The following CCDC39 variants were observed in gnomAD, a reference collection of about 807,000 sequenced individuals.
CCDC39 encodes the protein coiled-coil domain 39 molecular ruler complex subunit.
CCDC39 carries 113 observed loss-of-function variants against 121.0 expected under a neutral mutation model. The observed-to-expected ratio is 0.93, with a 90% CI of 0.80 to 1.09. The LOEUF is 1.09. CCDC39 is among the 50% of genes least tolerant of loss of function. The probability of loss-of-function intolerance (pLI) is 0.00; values close to 1 mark genes in which losing one functional copy is unlikely to be tolerated. For synonymous variants in CCDC39, 349 were observed against 352.2 expected, an observed-to-expected ratio of 0.99 and a Z score of 0.10; for missense variants, 1,063 against 1,074.7, an observed-to-expected ratio of 0.99 and a Z score of 0.15.
chr3:180,677,209 T>TAC (rs1560097273), intron 1 of CCDC39, among the ~76,000 whole-genome samples: 1 of 105,684 alleles, frequency 9.5e-6, no homozygotes, highest in Non-Finnish European at 2.0e-5. Context: ...TATATATATA[T>TAC]ATATATAAAA....
At chr3:180,641,083 A>T (rs936414499) in intron 13 of CCDC39, among the ~76,000 whole-genome samples, 1 of 152,084 alleles carries the variant, frequency 6.6e-6, no homozygotes, top group African/African-American at 2.4e-5. Flanking sequence ...TATGTAACAG[A>T]CAAGTTGGGT....
intron 19 of CCDC39, 89 bp downstream of exon 19, chr3:180,616,192 C>A (rs1365628734): frequency 3.7e-6 from 4 of 1,093,748 alleles, no homozygotes. Flanking sequence ...ATGGGCCTGC[C>A]TAACAGCTGC....
intron 8 of CCDC39, among the ~76,000 whole-genome samples, chr3:180,651,782 A>T (rs936534265): frequency 2.0e-5 from 3 of 152,168 alleles, no homozygotes; most frequent in African/African-American, 4.8e-5. Flanking sequence ...TCACGCCTGT[A>T]ATCCCAGCAC....
At chr3:180,616,219 C>A (rs1210431580) in intron 19 of CCDC39, 62 bp downstream of exon 19, 8 of 1,418,080 alleles carry the variant, frequency 5.6e-6, no homozygotes, top group Non-Finnish European at 5.0e-6. Flanking sequence ...GTAGAAGTGG[C>A]TGGAATCACT....
In CCDC39 at chr3:180,659,758, CAG is replaced by C. The variant is rs780175755; in HGVS notation, c.526_527del (p.Leu176AlafsTer10). On this transcript the variant is annotated frameshift_variant, in exon 5 of 20. Coordinates refer to ENST00000476379, the MANE Select transcript of CCDC39 (RefSeq NM_181426.2). LOFTEE classifies it high-confidence loss of function. ...QDDNKIRALT[L>X]QLERLTLECN... ...ATTCCAAAGTTAGTCTTTCTAATTGCAGAGTCAGTGCCTATGATGTAATTATA... is the reference window on the plus strand; with the variant it reads ...ATTCCAAAGTTAGTCTTTCTAATTGCAGTCAGTGCCTATGATGTAATTATA... The C allele has an allele frequency of 1.3e-5, 21 of 1,607,924 alleles. No individual in the cohort carries two copies. Among genetic ancestry groups the C allele is most frequent in the Non-Finnish European group, 1.7e-5 (20 of 1,175,960 alleles).
intron 14 of CCDC39, among the ~76,000 whole-genome samples, chr3:180,630,109 G>A (rs528802633): frequency 6.6e-6 from 1 of 152,072 alleles, no homozygotes. Context: ...GTCACCTACC[G>A]AAGCAGTGGT....
At chr3:180,678,159 G>A (rs1393942794) in intron 1 of CCDC39, among the ~76,000 whole-genome samples, 6 of 152,092 alleles carry the variant, frequency 3.9e-5, no homozygotes, top group African/African-American at 1.2e-4. Flanking sequence ...GCAGGATTAG[G>A]GTTGGTAAGT....
intron 1 of CCDC39, among the ~76,000 whole-genome samples, chr3:180,677,152 AATAATAATAATAATTTTATATAT>A (rs1218872827): frequency 4.8e-4 from 55 of 115,006 alleles, no homozygotes; most frequent in African/African-American, 1.8e-3. Flanking sequence ...TTATAATAAT[AATAATAATAATAATTTTATATAT>A]ATATATATAT....
intron 14 of CCDC39, among the ~76,000 whole-genome samples, chr3:180,630,536 G>T (rs903332630): frequency 6.6e-6 from 1 of 152,102 alleles, no homozygotes; most frequent in Non-Finnish European, 1.5e-5. Context: ...ACTGGAAGAT[G>T]ATCTCACCCC....
At chr3:180,642,802 G>A (rs986756914) in intron 12 of CCDC39, among the ~76,000 whole-genome samples, 1 of 151,802 alleles carries the variant, frequency 6.6e-6, no homozygotes, top group Non-Finnish European at 1.5e-5. Flanking sequence ...GTAAACATTT[G>A]TCTGATTTTT....
At chr3:180,615,261 T>A (rs1230397217) in intron 19 of CCDC39, among the ~76,000 whole-genome samples, 184 bp from the exon 20 acceptor site, 1 of 152,142 alleles carries the variant, frequency 6.6e-6, no homozygotes, top group Non-Finnish European at 1.5e-5. Flanking sequence ...AAAGGAAAGA[T>A]GAACATAGAT....
chr3:180,614,999 T>G lies in CCDC39; in HGVS notation c.2748A>C (p.Ser916=), dbSNP rs1282796325. The G allele has an allele frequency of 6.4e-7, 1 of 1,563,262 alleles. No individual in the cohort carries two copies. The highest frequency in any genetic ancestry group is 8.7e-7 in the Non-Finnish European group (1 of 1,152,060). Residue 916 remains serine, a synonymous_variant, in exon 20 of 20, where the codon TCA becomes TCC. Transcript: ENST00000476379. The part of the protein sequence containing the change: ...VLELKFPASS[S]LVGSPSRPSS... ...ATGGCCTAGAAGGGCTGCCTACTAG[T>G]GAAGAGGAGGCCGGGAATTTAAGCT...
chr3:180,662,267 A>G (rs1401593816), intron 2 of CCDC39, among the ~76,000 whole-genome samples: 1 of 152,156 alleles, frequency 6.6e-6, no homozygotes, highest in Non-Finnish European at 1.5e-5. Context: ...ACGCTGGTCT[A>G]GGAAAACTAA....
intron 12 of CCDC39, among the ~76,000 whole-genome samples, chr3:180,642,708 T>C (rs1336585229): frequency 1.3e-5 from 2 of 152,132 alleles, no homozygotes; most frequent in African/African-American, 4.8e-5. Flanking sequence ...AGAGATTAGA[T>C]ACTTACATCT....
chr3:180,663,087 A>C, intron 2 of CCDC39, among the ~76,000 whole-genome samples: 1 of 152,136 alleles, frequency 6.6e-6, no homozygotes, highest in Non-Finnish European at 1.5e-5. Flanking sequence ...TAAGATGCCT[A>C]ATGTCTTCCC....
chr3:180,630,179 G>A (rs1382038672), intron 14 of CCDC39, among the ~76,000 whole-genome samples: 1 of 152,088 alleles, frequency 6.6e-6, no homozygotes, highest in African/African-American at 2.4e-5. Flanking sequence ...CACACCACTT[G>A]TTAGAGAAAC....
Position 180,661,923 on chromosome 3 carries a change from C to G in CCDC39, c.295G>C (p.Asp99His), listed in dbSNP as rs1711752429. 3.2e-6 allele frequency: 5 copies of G among 1,583,320 alleles called. No homozygotes were observed. The highest frequency in any genetic ancestry group is 4.3e-6 in the Non-Finnish European group (5 of 1,162,840). The change falls in exon 3 of 20, where the codon GAT becomes CAT. Residue 99 changes from aspartate to histidine, a missense_variant. Coordinates refer to ENST00000476379, the MANE Select transcript of CCDC39 (RefSeq NM_181426.2). ...IAQRELGRVK[D>H]EIQRLENEMA... Reference sequence around the variant, plus strand: ...TCATTTTCCAGCCGTTGAATTTCATCTTTCACTCGTCCCAATTCTCTTTGA... The same window carrying G: ...TCATTTTCCAGCCGTTGAATTTCATGTTTCACTCGTCCCAATTCTCTTTGA...
intron 4 of CCDC39, 87 bp downstream of exon 4, chr3:180,660,483 A>G: frequency 2.5e-6 from 3 of 1,220,556 alleles, no homozygotes; most frequent in Non-Finnish European, 3.3e-6. Flanking sequence ...TTGCTGCCTT[A>G]AAAATCCTAA....
chr3:180,645,600 T>C (rs377518660), intron 11 of CCDC39, among the ~76,000 whole-genome samples: 1 of 152,092 alleles, frequency 6.6e-6, no homozygotes, highest in African/African-American at 2.4e-5. Context: ...TTAAATTTGA[T>C]AAAAAGAGCT....
Sources: gnomAD v4.1 joint callset for allele counts (sites outside exome capture counted in the v4.1 genomes callset) on GRCh38, gnomAD v4.1.1 for gene constraint, MANE v1.5 for transcripts, NCBI Gene and HGNC (gene_info 2026-07-23, HGNC 2026-07-21) for gene names.